The following DOK5 variants were observed in gnomAD, a reference collection of about 807,000 sequenced individuals.
The protein encoded by DOK5 is docking protein 5, also known as downstream of tyrosine kinase 5.
A neutral mutation model predicts 43.3 loss-of-function variants in DOK5; 27 were observed. That is an observed-to-expected ratio of 0.62 (90% CI 0.46 to 0.86). The LOEUF is 0.86. Among genes scored for constraint, DOK5 ranks in the 40% least tolerant of loss-of-function variants. DOK5 has a pLI of 0.00. For missense variants in DOK5, 373 were observed against 392.9 expected, an observed-to-expected ratio of 0.95 and a Z score of 0.43; for synonymous variants, 146 against 140.1, an observed-to-expected ratio of 1.04 and a Z score of -0.30.
chr20:54,539,617 C>T (rs576558801), intron 1 of DOK5, among the ~76,000 whole-genome samples: 14 of 152,206 alleles, frequency 9.2e-5, no homozygotes, highest in African/African-American at 1.9e-4. Flanking sequence ...CATGGGCTCC[C>T]GCTTGCTCCA....
intron 6 of DOK5, among the ~76,000 whole-genome samples, chr20:54,634,439 T>TTTTG (rs1978725016): frequency 9.8e-6 from 1 of 102,362 alleles, no homozygotes; most frequent in African/African-American, 6.4e-5. Flanking sequence ...ATATCATGCT[T>TTTTG]TTTTTTTTTT....
At chr20:54,506,436 A>C (rs1020015786) in intron 1 of DOK5, among the ~76,000 whole-genome samples, 1 of 152,164 alleles carries the variant, frequency 6.6e-6, no homozygotes, top group Non-Finnish European at 1.5e-5. Context: ...TACTCAATAC[A>C]TGCCATTTTA....
At chr20:54,586,453 G>A (rs1985805605) in intron 2 of DOK5, among the ~76,000 whole-genome samples, 2 of 152,144 alleles carry the variant, frequency 1.3e-5, no homozygotes, top group Admixed American at 6.5e-5. Context: ...TGGGTGAGTT[G>A]GGTCTTTCAT....
chr20:54,538,424 T>C (rs1984029976), intron 1 of DOK5, among the ~76,000 whole-genome samples: 1 of 151,916 alleles, frequency 6.6e-6, no homozygotes, highest in Admixed American at 6.6e-5. Flanking sequence ...TGAAAGAAAA[T>C]AAAGAGAATT....
intron 6 of DOK5, among the ~76,000 whole-genome samples, chr20:54,616,751 G>A (rs1488462775): frequency 1.3e-5 from 2 of 149,466 alleles, no homozygotes; most frequent in African/African-American, 4.9e-5. Context: ...CAAGGTAAAA[G>A]TGGGGAAGGA....
intron 2 of DOK5, among the ~76,000 whole-genome samples, chr20:54,572,224 G>A (rs141443398): frequency 0.021 from 3,167 of 151,338 alleles, 122 homozygotes; most frequent in African/African-American, 0.074. Context: ...GCAGTGGCGC[G>A]ATCTTGGCTC....
chr20:54,558,625 C>T (rs556358056), intron 2 of DOK5, among the ~76,000 whole-genome samples: 5 of 152,134 alleles, frequency 3.3e-5, no homozygotes, highest in Admixed American at 3.3e-4. Flanking sequence ...ACACCGTGAC[C>T]AAATTTTAGA....
At chr20:54,494,032 A>T (rs1773442737) in intron 1 of DOK5, among the ~76,000 whole-genome samples, 1 of 152,224 alleles carries the variant, frequency 6.6e-6, no homozygotes, top group Non-Finnish European at 1.5e-5. Context: ...ACTCATGGCT[A>T]TTTAAAAATA....
At chr20:54,489,522 A>G (rs1373741559) in intron 1 of DOK5, among the ~76,000 whole-genome samples, 1 of 152,154 alleles carries the variant, frequency 6.6e-6, no homozygotes, top group Non-Finnish European at 1.5e-5. Context: ...GAATAATTCG[A>G]TAGGATTCCC....
chr20:54,544,466 T>A (rs1389749424), intron 1 of DOK5, among the ~76,000 whole-genome samples: 2 of 152,182 alleles, frequency 1.3e-5, no homozygotes, highest in African/African-American at 4.8e-5. Flanking sequence ...AAATTCTGAC[T>A]TTCTTGGCCT....
chr20:54,491,410 G>A (rs143027187), intron 1 of DOK5, among the ~76,000 whole-genome samples: 21 of 152,270 alleles, frequency 1.4e-4, no homozygotes, highest in African/African-American at 4.3e-4. Context: ...ATTCCAAAAG[G>A]TTTGTGGAAT....
intron 2 of DOK5, among the ~76,000 whole-genome samples, chr20:54,559,825 C>T (rs76150987): frequency 1.1e-3 from 172 of 152,152 alleles, no homozygotes; most frequent in Non-Finnish European, 1.6e-3. Context: ...TAGGGATGAT[C>T]GTTTCTACTT....
chr20:54,642,797 T>A (rs1462033809), intron 6 of DOK5, among the ~76,000 whole-genome samples: 10 of 152,108 alleles, frequency 6.6e-5, no homozygotes, highest in Admixed American at 4.6e-4. Flanking sequence ...AATTGAAAAG[T>A]CTGGGGCCAG....
At chr20:54,535,808 C>T (rs1457817557) in intron 1 of DOK5, among the ~76,000 whole-genome samples, 2 of 152,074 alleles carry the variant, frequency 1.3e-5, no homozygotes, top group Non-Finnish European at 2.9e-5. Flanking sequence ...AACAATGTCT[C>T]TCAGTATGAT....
At chr20:54,618,762 A>C (rs1249244525) in intron 6 of DOK5, among the ~76,000 whole-genome samples, 1 of 151,992 alleles carries the variant, frequency 6.6e-6, no homozygotes, top group African/African-American at 2.4e-5. Context: ...TCATGCCTAT[A>C]ATCTTAGCAC....
chr20:54,539,708 C>T (rs578042618), intron 1 of DOK5, among the ~76,000 whole-genome samples: 4 of 152,306 alleles, frequency 2.6e-5, no homozygotes, highest in Admixed American at 1.3e-4. Flanking sequence ...AACCTTAAGA[C>T]AACCCAGGAC....
At chr20:54,506,107 A>T (rs1425095126) in intron 1 of DOK5, among the ~76,000 whole-genome samples, 1 of 152,214 alleles carries the variant, frequency 6.6e-6, no homozygotes, top group Non-Finnish European at 1.5e-5. Context: ...GAAGCAGCCC[A>T]GCTCTGCCTA....
intron 6 of DOK5, among the ~76,000 whole-genome samples, chr20:54,631,309 G>A (rs573384389): frequency 3.3e-5 from 5 of 151,880 alleles, no homozygotes; most frequent in Admixed American, 6.6e-5. Flanking sequence ...GCTACTTGTC[G>A]GGGGGCTGAG....
intron 1 of DOK5, among the ~76,000 whole-genome samples, chr20:54,492,380 C>T (rs1326628240): frequency 6.6e-6 from 1 of 152,044 alleles, no homozygotes; most frequent in Non-Finnish European, 1.5e-5. Flanking sequence ...TGTTGAAACA[C>T]TTTTCAAAAA....
Sources: gnomAD v4.1 joint callset for allele counts (sites outside exome capture counted in the v4.1 genomes callset) on GRCh38, gnomAD v4.1.1 for gene constraint, MANE v1.5 for transcripts, NCBI Gene and HGNC (gene_info 2026-07-23, HGNC 2026-07-21) for gene names.